CDC42BPA: variants seen among roughly 807,000 people sequenced by gnomAD.
CDC42BPA encodes CDC42 binding protein kinase alpha.
A neutral mutation model predicts 223.5 loss-of-function variants in CDC42BPA; 80 were observed. That is an observed-to-expected ratio of 0.36 (90% CI 0.30 to 0.43). The LOEUF (loss-of-function observed/expected upper bound fraction) is 0.43, where lower values mean the gene tolerates loss of function less well. CDC42BPA is among the 20% of genes least tolerant of loss of function. The pLI, the probability that CDC42BPA is intolerant of heterozygous loss-of-function variation, is 1.00. For synonymous variants in CDC42BPA, 694 were observed against 718.6 expected, an observed-to-expected ratio of 0.97 and a Z score of 0.55; for missense variants, 1,743 against 2,099.9, an observed-to-expected ratio of 0.83 and a Z score of 3.32.
chr1:227,200,344 T>C (rs1445661507), intron 3 of CDC42BPA, among the ~76,000 whole-genome samples: 4 of 151,480 alleles, frequency 2.6e-5, no homozygotes, highest in South Asian at 2.1e-4. Context: ...GACGGGAGAA[T>C]TGCTTGAACC....
intron 21 of CDC42BPA, among the ~76,000 whole-genome samples, chr1:227,066,083 G>C (rs1007431873): frequency 6.6e-6 from 1 of 152,086 alleles, no homozygotes; most frequent in African/African-American, 2.4e-5. Flanking sequence ...ACAGAGACCT[G>C]ATTTGCTCCT....
At chr1:227,303,819 T>C (rs1177896745) in intron 1 of CDC42BPA, among the ~76,000 whole-genome samples, 2 of 152,170 alleles carry the variant, frequency 1.3e-5, no homozygotes, top group Non-Finnish European at 2.9e-5. Flanking sequence ...TATGACTCTT[T>C]AAAAAAATTA....
intron 5 of CDC42BPA, among the ~76,000 whole-genome samples, chr1:227,187,679 A>G (rs139974943): frequency 1.3e-3 from 7 of 5,484 alleles, no homozygotes; most frequent in African/African-American, 2.9e-3. Context: ...GGCACCCCCC[A>G]CCCCCCCCCC....
At chr1:227,315,859 C>T (rs979459275) in intron 1 of CDC42BPA, among the ~76,000 whole-genome samples, 2 of 148,420 alleles carry the variant, frequency 1.3e-5, no homozygotes, top group Admixed American at 6.9e-5. Flanking sequence ...TAGAAACCTT[C>T]TTATACTGGC....
intron 31 of CDC42BPA, among the ~76,000 whole-genome samples, chr1:227,025,421 CAT>C (rs1272736637): frequency 6.6e-6 from 1 of 152,154 alleles, no homozygotes; most frequent in African/African-American, 2.4e-5. Flanking sequence ...GCTACTTTCA[CAT>C]ATTCTCTAAA....
At chr1:227,156,733 T>TAG in intron 6 of CDC42BPA, among the ~76,000 whole-genome samples, 1 of 152,300 alleles carries the variant, frequency 6.6e-6, no homozygotes, top group African/African-American at 2.4e-5. Context: ...AAAAGCAATT[T>TAG]AGAGAGGCAA....
chr1:227,019,501 C>T (rs1002072777), intron 32 of CDC42BPA, among the ~76,000 whole-genome samples: 5 of 152,186 alleles, frequency 3.3e-5, no homozygotes, highest in African/African-American at 1.2e-4. Flanking sequence ...TTAATGGCAT[C>T]TAGAATGGTG....
chr1:227,093,401 G>A, intron 15 of CDC42BPA, among the ~76,000 whole-genome samples: 1 of 152,154 alleles, frequency 6.6e-6, no homozygotes, highest in East Asian at 1.9e-4. Context: ...AGAAAGAAAA[G>A]AAACTTTTTA....
intron 5 of CDC42BPA, among the ~76,000 whole-genome samples, chr1:227,168,515 A>ATTTTTTTTTTTT (rs1665525522): frequency 2.1e-4 from 1 of 4,814 alleles, no homozygotes. Flanking sequence ...TTTTTTTTTG[A>ATTTTTTTTTTTT]GGCAGAGTCT....
chr1:227,143,295 T>C (rs1558600316), intron 8 of CDC42BPA, among the ~76,000 whole-genome samples: 2 of 152,154 alleles, frequency 1.3e-5, no homozygotes, highest in South Asian at 4.1e-4. Flanking sequence ...ATTTGCAAAT[T>C]TGTGTAGAAG....
At chr1:226,996,466 T>C (rs1661626486) in intron 35 of CDC42BPA, among the ~76,000 whole-genome samples, 1 of 146,088 alleles carries the variant, frequency 6.8e-6, no homozygotes, top group Non-Finnish European at 1.5e-5. Context: ...TTTCCTTCTC[T>C]TGTCTGGTTG....
At chr1:227,182,265 C>T (rs1262670406) in intron 5 of CDC42BPA, among the ~76,000 whole-genome samples, 3 of 152,110 alleles carry the variant, frequency 2.0e-5, no homozygotes, top group African/African-American at 4.8e-5. Flanking sequence ...TAATAACACC[C>T]AAAAGTTTGA....
intron 16 of CDC42BPA, among the ~76,000 whole-genome samples, chr1:227,086,029 G>A (rs1214950566): frequency 1.3e-5 from 2 of 152,140 alleles, no homozygotes; most frequent in Non-Finnish European, 2.9e-5. Context: ...TCACTGACCT[G>A]CTTTCTGTTT....
rs1381229159 is a variant in CDC42BPA, at chr1:227,016,923, C to T, written c.4739+4G>A. On this transcript the variant is annotated splice_donor_region_variant and intron_variant, in intron 33 of 36. Coordinates refer to ENST00000366766, the MANE Select transcript of CDC42BPA (RefSeq NM_001394014.1). Reference sequence around the variant, plus strand: ...ATGGATGATACTACAGGTTAAGTATCTACCTCCTCTGCTGCATCCTTTCCT... The same window carrying T: ...ATGGATGATACTACAGGTTAAGTATTTACCTCCTCTGCTGCATCCTTTCCT... 5.6e-6 allele frequency: 9 copies of T among 1,610,186 alleles called. No homozygotes were observed. The highest frequency in any genetic ancestry group is 7.6e-6 in the Non-Finnish European group (9 of 1,178,386).
At chr1:227,277,896 C>A (rs908982438) in intron 1 of CDC42BPA, among the ~76,000 whole-genome samples, 2 of 152,098 alleles carry the variant, frequency 1.3e-5, no homozygotes, top group African/African-American at 4.8e-5. Context: ...ACTACAGGCA[C>A]CCGCCACGAC....
chr1:227,138,217 T>C (rs1658994813), intron 10 of CDC42BPA, among the ~76,000 whole-genome samples: 1 of 152,080 alleles, frequency 6.6e-6, no homozygotes, highest in Non-Finnish European at 1.5e-5. Flanking sequence ...CAAAAGTTCC[T>C]GATTATTTGT....
At chr1:226,995,088 C>T in intron 35 of CDC42BPA, 108 bp from the exon 36 acceptor site, 1 of 959,260 alleles carries the variant, frequency 1.0e-6, no homozygotes, top group Non-Finnish European at 1.6e-6. Flanking sequence ...CCCCAGACCA[C>T]TCCTCCCCTG....
chr1:227,230,819 T>TTTTTTTTTTTTTTTTTTTTG (rs1677759894), intron 2 of CDC42BPA, among the ~76,000 whole-genome samples: 1 of 77,840 alleles, frequency 1.3e-5, no homozygotes, highest in Non-Finnish European at 2.6e-5. Context: ...TTTCTTTCTT[T>TTTTTTTTTTTTTTTTTTTTG]CTTTTTTTTT....
rs940136284 is a variant in CDC42BPA, at chr1:227,049,234, A to T, written c.3010-1224T>A. 3.7e-4 allele frequency among the ~76,000 whole-genome samples: 56 copies of T among 151,090 alleles called. 1 individual carries two copies. The highest frequency in any genetic ancestry group is 2.6e-3 in the Admixed American group (39 of 15,116). The stretch of plus-strand genomic sequence containing the variant: ...AGAAAGTCCAAAGGTTATTAGAATT[A>T]AAAAAAATTAAGCAAGGGTGCTGGA... On this transcript the variant is annotated intron_variant, in intron 22 of 36. Coordinates refer to ENST00000366766, the MANE Select transcript of CDC42BPA (RefSeq NM_001394014.1).
Sources: allele counts gnomAD v4.1 joint callset (sites outside exome capture counted in the v4.1 genomes callset), GRCh38; gene constraint gnomAD v4.1.1; transcripts MANE v1.5; gene names NCBI Gene and HGNC (gene_info 2026-07-23, HGNC 2026-07-21).